Variants in PLCB1 observed in about 807,000 individuals in gnomAD.
The protein encoded by PLCB1 is phospholipase C beta 1.
A neutral mutation model predicts 161.8 loss-of-function variants in PLCB1; 46 were observed. The ratio of observed to expected loss-of-function variants is 0.28; its 90% confidence interval spans 0.22 to 0.36. PLCB1 has a LOEUF of 0.36. Among genes scored for constraint, PLCB1 ranks in the 10% least tolerant of loss-of-function variants. The pLI is 1.00. For missense variants in PLCB1, 1,016 were observed against 1,472.5 expected (o/e 0.69, Z 5.07); for synonymous variants, 517 against 503.7 (o/e 1.03, Z -0.35).
chr20:8,755,991 T>C (rs1981717297), intron 23 of PLCB1, among the ~76,000 whole-genome samples: 1 of 152,234 alleles, frequency 6.6e-6, no homozygotes, highest in African/African-American at 2.4e-5. Context: ...AGGTGATGGC[T>C]TTTGCAGAGT....
chr20:8,601,116 G>C (rs1441537341), intron 3 of PLCB1, among the ~76,000 whole-genome samples: 2 of 152,158 alleles, frequency 1.3e-5, no homozygotes, highest in Non-Finnish European at 2.9e-5. Flanking sequence ...CGGCCATCTT[G>C]GCTCCTCCCC....
intron 8 of PLCB1, among the ~76,000 whole-genome samples, 173 bp from the exon 9 acceptor site, chr20:8,658,365 T>C (rs554643272): frequency 1.3e-5 from 2 of 152,248 alleles, no homozygotes; most frequent in Admixed American, 1.3e-4. Context: ...TTGTAGCCCA[T>C]AGAGGTATAG....
In PLCB1 at chr20:8,312,616, A is replaced by T. The variant is rs73086222; in HGVS notation, c.178-58766A>T. On this transcript the variant is annotated intron_variant, in intron 2 of 31. Coordinates refer to ENST00000338037, the MANE Select transcript of PLCB1 (RefSeq NM_015192.4). ...ACATGAGGCAGAACCAAGAGGAATG[A>T]CCCTCCCACATAGTAATGAAGGGGA... is the stretch of plus-strand genomic sequence containing the variant. Among the ~76,000 whole-genome samples the T allele has an allele frequency of 7.8e-3, 1,191 of 152,092 alleles. 6 individuals are homozygous for T. Among genetic ancestry groups the T allele is most frequent in the South Asian group, 0.011 (55 of 4,810 alleles).
chr20:8,307,563 GTTTT>G (rs1270058122), intron 2 of PLCB1, among the ~76,000 whole-genome samples: 1 of 151,966 alleles, frequency 6.6e-6, no homozygotes, highest in Non-Finnish European at 1.5e-5. Context: ...TTTTTGGTGG[GTTTT>G]TTATTTTTGG....
chr20:8,231,886 T>C (rs2123185468), intron 2 of PLCB1, among the ~76,000 whole-genome samples: 1 of 152,278 alleles, frequency 6.6e-6, no homozygotes, highest in East Asian at 1.9e-4. Flanking sequence ...TGATGCTCAG[T>C]TTTATTAGCT....
At chr20:8,429,714 A>G (rs899669745) in intron 3 of PLCB1, among the ~76,000 whole-genome samples, 12 of 152,086 alleles carry the variant, frequency 7.9e-5, no homozygotes, top group Admixed American at 5.2e-4. Flanking sequence ...TTAGAAAGAT[A>G]TTTAAATGAA....
At chr20:8,733,003 A>C (rs1345485789) in intron 18 of PLCB1, among the ~76,000 whole-genome samples, 1 of 151,680 alleles carries the variant, frequency 6.6e-6, no homozygotes, top group Non-Finnish European at 1.5e-5. Context: ...TATGTCAACA[A>C]TATATTTGAA....
intron 3 of PLCB1, among the ~76,000 whole-genome samples, chr20:8,614,468 C>T (rs1434810211): frequency 2.9e-4 from 44 of 151,804 alleles, no homozygotes; most frequent in Non-Finnish European, 5.9e-5. Context: ...TAGAATACTA[C>T]AGAACCAAAT....
intron 11 of PLCB1, among the ~76,000 whole-genome samples, chr20:8,703,764 A>G (rs1978503034): frequency 6.6e-6 from 1 of 152,146 alleles, no homozygotes; most frequent in Non-Finnish European, 1.5e-5. Flanking sequence ...CCACTGTGGG[A>G]AGAGAGAATG....
intron 31 of PLCB1, chr20:8,802,524 T>A: frequency 4.8e-6 from 1 of 207,960 alleles, no homozygotes; most frequent in Non-Finnish European, 9.4e-6. Context: ...TTTGGAAACA[T>A]TTTTTTTTCC....
intron 3 of PLCB1, among the ~76,000 whole-genome samples, chr20:8,500,955 T>C (rs1254365998): frequency 2.0e-5 from 3 of 152,224 alleles, no homozygotes; most frequent in African/African-American, 7.2e-5. Flanking sequence ...ACAAGTACAC[T>C]GGATATCCTG....
At chr20:8,384,931 G>A (rs1987378373) in intron 3 of PLCB1, among the ~76,000 whole-genome samples, 2 of 152,190 alleles carry the variant, frequency 1.3e-5, no homozygotes, top group South Asian at 4.1e-4. Context: ...ACCTCAAGGG[G>A]CACCAACCTG....
chr20:8,253,517 G>A (rs1170356190), intron 2 of PLCB1, among the ~76,000 whole-genome samples: 1 of 152,014 alleles, frequency 6.6e-6, no homozygotes, highest in African/African-American at 2.4e-5. Context: ...TATTGCCTGG[G>A]GCTAAATGCA....
At chr20:8,211,564 G>T (rs910235313) in intron 2 of PLCB1, among the ~76,000 whole-genome samples, 1 of 152,072 alleles carries the variant, frequency 6.6e-6, no homozygotes, top group African/African-American at 2.4e-5. Flanking sequence ...AAGTTGTAGG[G>T]ATATAGATTG....
At chr20:8,650,592 C>T (rs6108170) in intron 7 of PLCB1, among the ~76,000 whole-genome samples, 3,031 of 152,234 alleles carry the variant, frequency 0.02, 92 homozygotes, top group African/African-American at 0.069. Flanking sequence ...ACCACTGGCT[C>T]GTCCTTGAAT....
intron 3 of PLCB1, among the ~76,000 whole-genome samples, chr20:8,442,737 T>G (rs1427959914): frequency 6.6e-6 from 1 of 152,158 alleles, no homozygotes; most frequent in Admixed American, 6.5e-5. Flanking sequence ...TTTTCTGTTT[T>G]ATTAATTAAA....
intron 7 of PLCB1, chr20:8,652,139 C>G: frequency 6.6e-6 from 1 of 152,052 alleles, no homozygotes; most frequent in Non-Finnish European, 1.5e-5. Context: ...GAGTAATCTA[C>G]TATGTTTATT....
chr20:8,278,293 A>G (rs1473735458), intron 2 of PLCB1, among the ~76,000 whole-genome samples: 1 of 146,312 alleles, frequency 6.8e-6, no homozygotes, highest in East Asian at 1.9e-4. Flanking sequence ...ATATTTATAT[A>G]ATATATAAAA....
chr20:8,771,959 G>A (rs1407222614), intron 26 of PLCB1, among the ~76,000 whole-genome samples: 5 of 151,190 alleles, frequency 3.3e-5, no homozygotes, highest in Admixed American at 6.6e-5. Context: ...ACAACTCACT[G>A]CAGTCTCGAC....
Sources: allele counts gnomAD v4.1 joint callset (sites outside exome capture counted in the v4.1 genomes callset), GRCh38; gene constraint gnomAD v4.1.1; transcripts MANE v1.5; gene names NCBI Gene and HGNC (gene_info 2026-07-23, HGNC 2026-07-21).